Variants in GMDS observed in about 807,000 individuals in gnomAD.
The protein encoded by GMDS is GDP-mannose 4,6 dehydratase.
A neutral mutation model predicts 49.9 loss-of-function variants in GMDS; 20 were observed. The observed-to-expected ratio is 0.40, with a 90% CI of 0.28 to 0.58. The LOEUF (loss-of-function observed/expected upper bound fraction) is 0.58, where lower values mean the gene tolerates loss of function less well. Ranked by LOEUF, GMDS falls within the 20% of genes least tolerant of loss-of-function variation. The pLI is 0.42. For synonymous variants in GMDS, 177 were observed against 178.6 expected (o/e 0.99, Z 0.07); for missense variants, 362 against 481.4 (o/e 0.75, Z 2.32).
At chr6:1,817,357 G>A (rs189634019) in intron 7 of GMDS, among the ~76,000 whole-genome samples, 3 of 152,092 alleles carry the variant, frequency 2.0e-5, no homozygotes, top group East Asian at 1.9e-4. Context: ...TTCCCCCCAC[G>A]TATAATAACA....
intron 7 of GMDS, among the ~76,000 whole-genome samples, chr6:1,879,034 G>A (rs1759236476): frequency 6.6e-6 from 1 of 152,046 alleles, no homozygotes; most frequent in South Asian, 2.1e-4. Flanking sequence ...TCCCCAGAGT[G>A]AAAAAACAGT....
At chr6:1,777,620 A>G (rs3823267) in intron 7 of GMDS, among the ~76,000 whole-genome samples, 73,891 of 152,150 alleles carry the variant, frequency 0.49, 21,010 homozygotes, top group African/African-American at 0.79. Flanking sequence ...AGAATGTTGA[A>G]CACGTCTCTG....
chr6:1,993,653 A>G (rs1456375756), intron 4 of GMDS, among the ~76,000 whole-genome samples: 1 of 151,982 alleles, frequency 6.6e-6, no homozygotes. Context: ...TTCCTCACAA[A>G]GCTCTATTTT....
intron 1 of GMDS, among the ~76,000 whole-genome samples, chr6:2,230,059 CT>C (rs949868349): frequency 1.3e-5 from 2 of 151,466 alleles, no homozygotes; most frequent in African/African-American, 2.4e-5. Context: ...CTGAAGACCC[CT>C]ATCCAGAGTC....
rs1763106507 is a variant in GMDS, at chr6:1,635,189, T to C, written c.988-10649A>G. ...TTCCATGGAGCACGCCTTCTTGTTT[T>C]GATCCTGATTTGAGGCCAAAGCCTC... is the stretch of plus-strand genomic sequence containing the variant. On this transcript the variant is annotated intron_variant, in intron 9 of 10. Coordinates refer to ENST00000380815, the MANE Select transcript of GMDS (RefSeq NM_001500.4). This position sits in a 1 kb window ranked among gnomAD's most constrained non-coding sequence, Gnocchi z 4.7. Among the ~76,000 whole-genome samples the C allele has an allele frequency of 6.6e-6, 1 of 152,226 alleles. No individual in the cohort carries two copies. The highest frequency in any genetic ancestry group is 1.9e-4 in the East Asian group (1 of 5,194).
chr6:1,909,124 GCATATCATA>G (rs1168395481), intron 7 of GMDS, among the ~76,000 whole-genome samples: 2 of 152,142 alleles, frequency 1.3e-5, no homozygotes, highest in African/African-American at 4.8e-5. Flanking sequence ...AATAAAAAGA[GCATATCATA>G]CATCTTGATG....
At chr6:1,629,379 A>G (rs1325082228) in intron 9 of GMDS, among the ~76,000 whole-genome samples, 1 of 152,072 alleles carries the variant, frequency 6.6e-6, no homozygotes, top group African/African-American at 2.4e-5. Context: ...ACAAGGGGCA[A>G]TAAGAGAGGA....
chr6:1,782,676 G>A (rs1393807029), intron 7 of GMDS, among the ~76,000 whole-genome samples: 6 of 152,192 alleles, frequency 3.9e-5, no homozygotes, highest in African/African-American at 1.4e-4. Context: ...CAAATATTAG[G>A]AAGTTGTTAG....
At chr6:2,053,257 CA>C (rs1770556703) in intron 4 of GMDS, among the ~76,000 whole-genome samples, 2 of 152,012 alleles carry the variant, frequency 1.3e-5, no homozygotes, top group Non-Finnish European at 2.9e-5. Context: ...TGTAAATGGT[CA>C]AATATATAAC....
At chr6:2,141,302 A>G (rs1776274411) in intron 1 of GMDS, among the ~76,000 whole-genome samples, 1 of 152,228 alleles carries the variant, frequency 6.6e-6, no homozygotes, top group Non-Finnish European at 1.5e-5. Context: ...CCCACACTGC[A>G]TAGGAAGCTG....
At chr6:1,998,613 A>G (rs972043109) in intron 4 of GMDS, among the ~76,000 whole-genome samples, 2 of 152,212 alleles carry the variant, frequency 1.3e-5, no homozygotes, top group African/African-American at 4.8e-5. Flanking sequence ...TTTTAATAAC[A>G]TACAAGAATA....
chr6:2,186,362 T>G (rs1778779793), intron 1 of GMDS, among the ~76,000 whole-genome samples: 1 of 152,180 alleles, frequency 6.6e-6, no homozygotes, highest in South Asian at 2.1e-4. Flanking sequence ...AAATACCAAT[T>G]AATGAAATCT....
At chr6:2,023,326 C>A (rs9503072) in intron 4 of GMDS, among the ~76,000 whole-genome samples, 275 of 152,346 alleles carry the variant, frequency 1.8e-3, no homozygotes, top group African/African-American at 5.8e-3. Flanking sequence ...CCATAAGCTA[C>A]AAAAGGACAG....
chr6:2,131,502 G>A (rs1414379203), intron 1 of GMDS, among the ~76,000 whole-genome samples: 1 of 152,142 alleles, frequency 6.6e-6, no homozygotes, highest in African/African-American at 2.4e-5. Flanking sequence ...ATGATGGTAT[G>A]AAAACGGTAC....
At chr6:1,690,442 A>C (rs573075374) in intron 9 of GMDS, among the ~76,000 whole-genome samples, 12 of 152,322 alleles carry the variant, frequency 7.9e-5, no homozygotes, top group African/African-American at 2.6e-4. Context: ...GCATATAGCT[A>C]GCCAGTTCTC....
chr6:1,657,423 A>G (rs1763919701), intron 9 of GMDS, among the ~76,000 whole-genome samples: 1 of 152,216 alleles, frequency 6.6e-6, no homozygotes, highest in South Asian at 2.1e-4. Context: ...TGACAGCAAC[A>G]TGGCAGATTA....
intron 4 of GMDS, among the ~76,000 whole-genome samples, chr6:2,037,938 G>C (rs751410246): frequency 6.6e-6 from 1 of 152,186 alleles, no homozygotes; most frequent in South Asian, 2.1e-4. Context: ...AGTAGTACTA[G>C]TATAATGGTT....
chr6:2,125,509 A>G (rs774935438), intron 1 of GMDS, among the ~76,000 whole-genome samples: 11 of 152,084 alleles, frequency 7.2e-5, no homozygotes, highest in Non-Finnish European at 1.3e-4. Flanking sequence ...TGGGAGGATC[A>G]CTTGAACCTG....
chr6:1,711,399 G>T (rs1180803539), intron 9 of GMDS, among the ~76,000 whole-genome samples: 1 of 152,244 alleles, frequency 6.6e-6, no homozygotes, highest in Non-Finnish European at 1.5e-5. Context: ...ATGGACTAGG[G>T]TAGCCACCCT....
Sources: gnomAD v4.1 joint callset for allele counts (sites outside exome capture counted in the v4.1 genomes callset) on GRCh38, gnomAD v4.1.1 for gene constraint, Gnocchi (gnomAD v3.1) non-coding constraint, MANE v1.5 for transcripts, NCBI Gene and HGNC (gene_info 2026-07-23, HGNC 2026-07-21) for gene names.